Variants in RAB30 observed in about 807,000 individuals in gnomAD.
The protein encoded by RAB30 is ras-related protein Rab-30.
In RAB30, 9 loss-of-function variants were observed where a neutral mutation model predicts 25.1. The ratio of observed to expected loss-of-function variants is 0.36; its 90% CI spans 0.22 to 0.63. The LOEUF is 0.63. RAB30 is among the 20% of genes least tolerant of loss of function. The probability of loss-of-function intolerance (pLI) is 0.69; values close to 1 mark genes in which losing one functional copy is unlikely to be tolerated. For missense variants in RAB30, 140 were observed against 243.5 expected (o/e 0.58, Z 2.83); for synonymous variants, 77 against 86.4 (o/e 0.89, Z 0.60).
At chr11:83,034,736 G>A (rs1295205571) in intron 1 of RAB30, 2 of 152,064 alleles carry the variant, frequency 1.3e-5, no homozygotes. Context: ...CTATGTATCA[G>A]GTGCTCTGAT....
chr11:83,049,409 CA>C (rs58898867), intron 1 of RAB30, among the ~76,000 whole-genome samples: 4,775 of 100,652 alleles, frequency 0.047, 108 homozygotes, highest in East Asian at 0.12. Context: ...GACTCCATAT[CA>C]AAAAAAAAAA....
In RAB30 at chr11:83,009,158, C is replaced by T. The variant is rs1226625205; in HGVS notation, c.-8-11834G>A. Among the ~76,000 whole-genome samples the T allele has an allele frequency of 4.6e-5, 7 of 151,608 alleles. No homozygotes were observed. The East Asian group carries it at 1.4e-3, about 29-fold the overall frequency. ...ATCCCAGCTCACTGCAACCTCCACACCCCAGGTTCAAGCAATTCTGTCTCA... is the reference window on the plus strand; with the variant it reads ...ATCCCAGCTCACTGCAACCTCCACATCCCAGGTTCAAGCAATTCTGTCTCA... On this transcript the variant is annotated intron_variant, in intron 1 of 4. Transcript: ENST00000527633.
At chr11:83,009,653 C>T (rs1052652098) in intron 1 of RAB30, among the ~76,000 whole-genome samples, 1 of 152,072 alleles carries the variant, frequency 6.6e-6, no homozygotes, top group Admixed American at 6.6e-5. Flanking sequence ...TAACAAAAGA[C>T]CAGAGAGGTC....
intron 1 of RAB30, among the ~76,000 whole-genome samples, chr11:83,033,518 T>A (rs1280091986): frequency 2.0e-5 from 3 of 152,208 alleles, no homozygotes; most frequent in Non-Finnish European, 4.4e-5. Context: ...ACACTCGATA[T>A]GCCAAGAGCT....
intron 1 of RAB30, among the ~76,000 whole-genome samples, chr11:83,057,847 A>G (rs1281327744): frequency 2.0e-5 from 3 of 152,210 alleles, no homozygotes. Flanking sequence ...GATTCAGAAC[A>G]ATACTGTCAC....
intron 3 of RAB30, among the ~76,000 whole-genome samples, chr11:82,993,437 G>C (rs1334916483): frequency 6.6e-6 from 1 of 152,172 alleles, no homozygotes; most frequent in Non-Finnish European, 1.5e-5. Context: ...GCACCCAGCA[G>C]AGGCACTGAC....
intron 1 of RAB30, among the ~76,000 whole-genome samples, chr11:83,051,426 C>A (rs1858354890): frequency 6.6e-6 from 1 of 152,196 alleles, no homozygotes; most frequent in Non-Finnish European, 1.5e-5. Context: ...CCTTCCCACA[C>A]ATTCTCTCTT....
intron 1 of RAB30, among the ~76,000 whole-genome samples, chr11:83,015,210 A>G (rs1857409951): frequency 2.6e-5 from 4 of 152,224 alleles, no homozygotes; most frequent in African/African-American, 9.6e-5. Context: ...GGATACCAGT[A>G]GAAACAAACA....
chr11:82,976,882 T>G lies in RAB30; in HGVS notation c.*5283A>C, dbSNP rs1856554800. On this transcript the variant is annotated 3_prime_UTR_variant, in exon 5 of 5. Transcript: ENST00000527633. ...TGCAAGTCAAAAATACTTGTTTTTA[T>G]TGCTTTCCACATAAAGCAATTTGAC... 6.6e-6 allele frequency: 1 copy of G among 152,254 alleles called. No individual in the cohort carries two copies. The highest frequency in any genetic ancestry group is 2.4e-5 in the African/African-American group (1 of 41,476). The allele number at this position is 152,254 out of a possible 1,614,324, so 9.4% of individuals were successfully genotyped here.
Position 82,997,436 on chromosome 11 carries a change from A to T in RAB30, c.-8-112T>A, listed in dbSNP as rs568075945. The T allele has an allele frequency of 1.2e-4, 90 of 732,374 alleles. No individual in the cohort carries two copies. In the African/African-American group the frequency reaches 1.4e-3, roughly 11 times the overall value. 45.4% of individuals were successfully genotyped at this position (732,374 alleles called of 1,614,324 possible). A position where few individuals can be genotyped will look rare whatever the true frequency, so the allele number is the denominator to read the frequency against. On this transcript the variant is annotated intron_variant, in intron 1 of 4. Coordinates refer to ENST00000527633, the MANE Select transcript of RAB30 (RefSeq NM_001286060.2). ...AACAGGTCTGACTCATTTAAAGAGC[A>T]ATTTAAAGCTCCCCTCCGGTGACCC...
intron 3 of RAB30, among the ~76,000 whole-genome samples, chr11:82,988,892 A>ACCC (rs796244361): frequency 1.1e-4 from 8 of 73,806 alleles, no homozygotes; most frequent in African/African-American, 3.5e-4. Context: ...TAGGTTCCCC[A>ACCC]CCCCCCCACC....
rs529123112 is a variant in RAB30 at position 82,973,258 on chromosome 11, T to G, written c.*8907A>C. 1 of 152,374 alleles carries G rather than the reference T, an allele frequency of 6.6e-6. No homozygotes were observed. The highest frequency in any genetic ancestry group is 2.4e-5 in the African/African-American group (1 of 41,588). The allele number at this position is 152,374 out of a possible 1,614,324, so 9.4% of individuals were successfully genotyped here. A position where few individuals can be genotyped will look rare whatever the true frequency, so the allele number is the denominator to read the frequency against. ...ATTCATCCTTTGCACACAAAATACA[T>G]TCTTTTTCTTTTACTCTCAGTATGA... On this transcript the variant is annotated 3_prime_UTR_variant, in exon 5 of 5. Coordinates refer to ENST00000527633, the MANE Select transcript of RAB30 (RefSeq NM_001286060.2).
chr11:83,032,494 TTTTC>T (rs1857889515), intron 1 of RAB30, among the ~76,000 whole-genome samples: 1 of 152,166 alleles, frequency 6.6e-6, no homozygotes, highest in Admixed American at 6.5e-5. Flanking sequence ...AAATTCACAA[TTTTC>T]TTTCTTTTAT....
rs540222398 is a variant in RAB30 at position 83,016,011 on chromosome 11, AT to A, written c.-8-18688del. ...AAATTAGCTGGTCATGGTGGCACGT[AT>A]CTGTAGTCCCAGCTACTGAGGAGGC... On this transcript the variant is annotated intron_variant, in intron 1 of 4. Transcript: ENST00000527633. Among the ~76,000 whole-genome samples the A allele has an allele frequency of 3.1e-3, 472 of 152,136 alleles. 1 individual carries two copies. Among genetic ancestry groups the A allele is most frequent in the African/African-American group, 0.011 (446 of 41,538 alleles).
chr11:83,004,257 G>T (rs1255732678), intron 1 of RAB30, among the ~76,000 whole-genome samples: 1 of 152,122 alleles, frequency 6.6e-6, no homozygotes, highest in Non-Finnish European at 1.5e-5. Flanking sequence ...TAAATAATAA[G>T]AAATCCAGGT....
intron 4 of RAB30, among the ~76,000 whole-genome samples, chr11:82,986,790 T>C (rs1267151994): frequency 6.6e-6 from 1 of 152,228 alleles, no homozygotes; most frequent in Admixed American, 6.5e-5. Flanking sequence ...TCCTGGCACA[T>C]ATATACCAAT....
chr11:83,010,618 G>C (rs1857282746), intron 1 of RAB30, among the ~76,000 whole-genome samples: 1 of 152,060 alleles, frequency 6.6e-6, no homozygotes, highest in Non-Finnish European at 1.5e-5. Context: ...ACATGGGACA[G>C]GTACACATAT....
At chr11:83,048,333 G>A in intron 1 of RAB30, among the ~76,000 whole-genome samples, 1 of 151,992 alleles carries the variant, frequency 6.6e-6, no homozygotes, top group East Asian at 1.9e-4. Flanking sequence ...TTAGCCAAAT[G>A]TGGTGGCACA....
chr11:83,067,050 T>C (rs1174267627), intron 1 of RAB30, among the ~76,000 whole-genome samples: 1 of 152,210 alleles, frequency 6.6e-6, no homozygotes, highest in East Asian at 1.9e-4. Flanking sequence ...AAACACAGTC[T>C]GGAGCGCTTT....
Sources: allele counts gnomAD v4.1 joint callset (sites outside exome capture counted in the v4.1 genomes callset), GRCh38; gene constraint gnomAD v4.1.1; transcripts MANE v1.5; gene names NCBI Gene and HGNC (gene_info 2026-07-23, HGNC 2026-07-21).